ADAMTS13: variants seen among roughly 807,000 people sequenced by gnomAD.
ADAMTS13 encodes the protein A disintegrin and metalloproteinase with thrombospondin motifs 13.
ADAMTS13 carries 110 observed loss-of-function variants against 155.1 expected under a neutral mutation model. The observed-to-expected ratio is 0.71, with a 90% CI of 0.61 to 0.83. The LOEUF is 0.83. ADAMTS13 is among the 40% of genes least tolerant of loss of function. The pLI, the probability that ADAMTS13 is intolerant of heterozygous loss-of-function variation, is 0.00. For synonymous variants in ADAMTS13, 758 were observed against 756.4 expected (o/e 1.00, Z -0.03); for missense variants, 1,707 against 1,891.7 (o/e 0.90, Z 1.81).
Position 133,456,161 on chromosome 9 carries a change from C to T in ADAMTS13, c.3493C>T (p.Leu1165Phe). 1 of 1,613,550 alleles carries T rather than the reference C, an allele frequency of 6.2e-7. No individual in the cohort carries two copies. Among genetic ancestry groups the T allele is most frequent in the South Asian group, 1.1e-5 (1 of 91,088 alleles). ...CTGTGCAGTGGCCATTGGGCGGCCC[C>T]TCGGGGAGGTGGTGACCCTCCGCGT... The part of the protein sequence containing the change: ...ADCAVAIGRP[L>F]GEVVTLRVLE... Residue 1165 changes from leucine (L) to phenylalanine (F), a missense_variant, in exon 26 of 29, where the codon CTC (leucine) becomes TTC (phenylalanine). Leu to Phe is a conservative substitution (Grantham distance 22). This residue lies in a region of ADAMTS13 where 961 missense variants were observed against 1,107.9 expected (regional missense o/e 0.87). Transcript: ENST00000355699. This position sits in a 1 kb window ranked among gnomAD's most constrained non-coding sequence, Gnocchi z 4.4.
At chr9:133,452,504 G>A (rs1010944607) in intron 23 of ADAMTS13, among the ~76,000 whole-genome samples, 1 of 152,110 alleles carries the variant, frequency 6.6e-6, no homozygotes, top group Admixed American at 6.6e-5. Flanking sequence ...TTGGCTGTGT[G>A]TCCCATTTAT....
chr9:133,429,426 C>T, intron 7 of ADAMTS13, among the ~76,000 whole-genome samples: 1 of 144,538 alleles, frequency 6.9e-6, no homozygotes, highest in Non-Finnish European at 1.5e-5. Context: ...TTGCCTACAC[C>T]CACCCCTGCA....
chr9:133,454,708 G>C, intron 24 of ADAMTS13, 89 bp downstream of exon 24: 1 of 1,434,898 alleles, frequency 7.0e-7, no homozygotes, highest in Non-Finnish European at 9.4e-7. Flanking sequence ...AGGAGGCATT[G>C]GCTCATCGTG....
rs782462489 is a variant in ADAMTS13, at chr9:133,414,714, C to T, written n.287+70C>T. On this transcript the variant is annotated intron_variant and non_coding_transcript_variant, in intron 1 of 17. Coordinates refer to the ADAMTS13 transcript ENST00000485925. ...TCCTTAGCTTTCCGCTTCTTATGCT[C>T]GATGTCCCCTCGTTCTGGAACAATA... 1.4e-5 allele frequency: 22 copies of T among 1,613,972 alleles called. No homozygotes were observed. Among genetic ancestry groups the T allele is most frequent in the East Asian group, 1.3e-4 (6 of 44,886 alleles).
chr9:133,455,932 A>G, intron 25 of ADAMTS13, 137 bp from the exon 26 acceptor site: 1 of 1,174,652 alleles, frequency 8.5e-7, no homozygotes, highest in African/African-American at 1.5e-5. Context: ...CCCTGTCCTG[A>G]GAAGGCTTCC....
intron 9 of ADAMTS13, among the ~76,000 whole-genome samples, chr9:133,433,123 A>G (rs1409186934): frequency 2.3e-5 from 2 of 88,200 alleles, no homozygotes; most frequent in Non-Finnish European, 4.2e-5. Flanking sequence ...TGGGTGTTGG[A>G]GGATCCCTGT....
rs1554797287 is a variant in ADAMTS13 at position 133,459,326 on chromosome 9, G to A, written c.*146G>A. The A allele has an allele frequency of 1.2e-6, 1 of 863,732 alleles. No homozygotes were observed. The highest frequency in any genetic ancestry group is 2.0e-5 in the Admixed American group (1 of 50,098). The allele number at this position is 863,732 out of a possible 1,614,324, so 53.5% of individuals were successfully genotyped here. Reference sequence around the variant, plus strand: ...CCAAAAGGCTAGGGGGTTGGAGGTGGGGACTCTGGAAAAGCAGCCCCCATT... The same window carrying A: ...CCAAAAGGCTAGGGGGTTGGAGGTGAGGACTCTGGAAAAGCAGCCCCCATT... On this transcript the variant is annotated 3_prime_UTR_variant, in exon 29 of 29. Transcript: ENST00000355699.
intron 23 of ADAMTS13, 136 bp downstream of exon 23, chr9:133,450,101 C>T (rs587766749): frequency 6.1e-6 from 6 of 991,584 alleles, no homozygotes; most frequent in African/African-American, 1.6e-5. Flanking sequence ...AGTGCAAGTC[C>T]AACCTGGGCA....
chr9:133,428,567 G>GGGCCC, intron 6 of ADAMTS13, 67 bp from the exon 7 acceptor site: 4 of 96,948 alleles, frequency 4.1e-5, no homozygotes, highest in Non-Finnish European at 8.1e-5. Flanking sequence ...GCCGACCCCC[G>GGGCCC]TCCCGCCCCC....
At chr9:133,453,429 G>A (rs1406474894) in intron 23 of ADAMTS13, among the ~76,000 whole-genome samples, 4 of 152,104 alleles carry the variant, frequency 2.6e-5, no homozygotes, top group Non-Finnish European at 5.9e-5. Context: ...GCAGTGAGCT[G>A]AGATTGTGCC....
rs782077336 is a variant in ADAMTS13 at position 133,424,287 on chromosome 9, A to T, written c.173-34A>T. On this transcript the variant is annotated intron_variant, in intron 2 of 28. Coordinates refer to ENST00000355699, the MANE Select transcript of ADAMTS13 (RefSeq NM_139027.6). The surrounding 1 kb of genome is among the most constrained non-coding windows in gnomAD (Gnocchi z 4.3). ...AGCTTTCCACTGCTTGCTCTCTAGAACCATCGCCCTCTGCTCTCCCTCTCC... is the reference window on the plus strand; with the variant it reads ...AGCTTTCCACTGCTTGCTCTCTAGATCCATCGCCCTCTGCTCTCCCTCTCC... 1.2e-6 allele frequency: 2 copies of T among 1,608,552 alleles called. No individual in the cohort carries two copies. Among genetic ancestry groups the T allele is most frequent in the Non-Finnish European group, 1.7e-6 (2 of 1,179,764 alleles).
At chr9:133,426,408 G>A in intron 6 of ADAMTS13, 63 bp downstream of exon 6, 1 of 1,593,360 alleles carries the variant, frequency 6.3e-7, no homozygotes, top group South Asian at 1.1e-5. Flanking sequence ...ACCCAGGGTG[G>A]AGGTGGTCTT....
Position 133,456,834 on chromosome 9 carries a change from A to G in ADAMTS13, c.3724+115A>G. 1 of 1,347,332 alleles carries G rather than the reference A, an allele frequency of 7.4e-7. No individual in the cohort carries two copies. The highest frequency in any genetic ancestry group is 1.0e-6 in the Non-Finnish European group (1 of 971,814). 83.5% of individuals were successfully genotyped at this position (1,347,332 alleles called of 1,614,324 possible). A position where few individuals can be genotyped will look rare whatever the true frequency, so the allele number is the denominator to read the frequency against. On this transcript the variant is annotated intron_variant, in intron 27 of 28. Coordinates refer to ENST00000355699, the MANE Select transcript of ADAMTS13 (RefSeq NM_139027.6). The surrounding 1 kb of genome is among the most constrained non-coding windows in gnomAD (Gnocchi z 4.4). ...TGGGGCAGTGGGAAGATACGGAGGGAACTGACTGAGATGGAAGGAACTGGG... is the reference window on the plus strand; with the variant it reads ...TGGGGCAGTGGGAAGATACGGAGGGGACTGACTGAGATGGAAGGAACTGGG...
At chr9:133,422,200 A>C (rs1839997903), upstream of ADAMTS13, 1 of 592,252 alleles carries the variant, frequency 1.7e-6, no homozygotes, top group African/African-American at 1.9e-5. Context: ...GGTGTGCAGG[A>C]CTGGGCTGCA....
exon 1 of ADAMTS13, chr9:133,414,630 C>T (rs1839452639): frequency 1.3e-6 from 2 of 1,598,270 alleles, no homozygotes; most frequent in Non-Finnish European, 1.7e-6. Flanking sequence ...AGTCGCTGTG[C>T]CTCGGTTCTC....
Position 133,438,244 on chromosome 9 carries a change from A to G in ADAMTS13, c.1585-2A>G. On this transcript the variant is annotated splice_acceptor_variant, in intron 13 of 28. Transcript: ENST00000355699. LOFTEE classifies it high-confidence loss of function. ...GGGCCCTCTGTCCTTCCCTTTGCATAGACATTTGGCTGTGATGGTAGGATG... is the reference window on the plus strand; with the variant it reads ...GGGCCCTCTGTCCTTCCCTTTGCATGGACATTTGGCTGTGATGGTAGGATG... The G allele has an allele frequency of 1.2e-6, 2 of 1,614,050 alleles. No homozygotes were observed. Among genetic ancestry groups the G allele is most frequent in the Non-Finnish European group, 1.7e-6 (2 of 1,179,992 alleles).
chr9:133,443,548 C>T lies in ADAMTS13; in HGVS notation c.2407C>T (p.Pro803Ser). ...GGCGCTGGAAACCTGCAACCCCCAG[C>T]CCTGCCCTGCCAGGTGAGCCCAGGG... ...AVALETCNPQ[P>S]CPARWEVSEP... is the part of the protein sequence containing the mutation. The change falls in exon 19 of 29, where the codon CCC becomes TCC. Residue 803 changes from proline to serine, a missense_variant. Pro to Ser is a moderately conservative substitution (Grantham distance 74). Transcript: ENST00000355699. 3 of 1,554,836 alleles carry T rather than the reference C, an allele frequency of 1.9e-6. No homozygotes were observed. Among genetic ancestry groups the T allele is most frequent in the Non-Finnish European group, 2.6e-6 (3 of 1,156,356 alleles).
rs1554797075 is a variant in ADAMTS13, at chr9:133,458,996, G to A, written c.3932G>A (p.Arg1311Lys). Residue 1311 changes from arginine (R) to lysine (K), a missense_variant, in exon 29 of 29, where the codon AGG becomes AAG. This residue lies in a region of ADAMTS13 where 961 missense variants were observed against 1,107.9 expected (regional missense o/e 0.87). Transcript: ENST00000355699. ...YILIRDTHSL[R>K]TTAFHGQQVL... ...CAGATCCGGGACACCCACAGCTTGA[G>A]GACCACAGCGTTCCATGGGCAGCAG... 1 of 1,613,056 alleles carries A rather than the reference G, an allele frequency of 6.2e-7. No individual in the cohort carries two copies. The highest frequency in any genetic ancestry group is 1.3e-5 in the African/African-American group (1 of 74,920).
Position 133,456,156 on chromosome 9 carries a change from G to A in ADAMTS13, c.3488G>A (p.Arg1163Gln), listed in dbSNP as rs782649881. The change falls in exon 26 of 29, where the codon CGG (arginine) becomes CAG (glutamine). Residue 1163 changes from arginine to glutamine, a missense_variant. By Grantham distance (43) the Arg-to-Gln change is conservative (BLOSUM62 1). Coordinates refer to ENST00000355699, the MANE Select transcript of ADAMTS13 (RefSeq NM_139027.6). The surrounding 1 kb of genome is among the most constrained non-coding windows in gnomAD (Gnocchi z 4.4). ...GQADCAVAIG[R>Q]PLGEVVTLRV... ...GCAGACTGTGCAGTGGCCATTGGGC[G>A]GCCCCTCGGGGAGGTGGTGACCCTC... The A allele has an allele frequency of 2.4e-5, 39 of 1,613,420 alleles. No individual in the cohort carries two copies. Among genetic ancestry groups the A allele is most frequent in the Admixed American group, 1.0e-4 (6 of 60,010 alleles).
Sources: allele counts gnomAD v4.1 joint callset (sites outside exome capture counted in the v4.1 genomes callset), GRCh38; gene constraint gnomAD v4.1.1; regional missense constraint gnomAD v4.1.1; non-coding constraint Gnocchi (gnomAD v3.1); transcripts MANE v1.5; gene names NCBI Gene and HGNC (gene_info 2026-07-23, HGNC 2026-07-21).